The following NPAS2 variants were observed in gnomAD, a reference collection of about 807,000 sequenced individuals.
NPAS2 encodes the protein neuronal PAS domain protein 2, also known as neuronal PAS domain-containing protein 2.
In NPAS2, 23 loss-of-function variants were observed where a neutral mutation model predicts 107.5. The observed-to-expected ratio is 0.21, with a 90% confidence interval of 0.15 to 0.30. The LOEUF is 0.30. Among genes scored for constraint, NPAS2 ranks in the 10% least tolerant of loss-of-function variants. The pLI, the probability that NPAS2 is intolerant of heterozygous loss-of-function variation, is 1.00. For missense variants in NPAS2, 756 were observed against 1,043.3 expected (o/e 0.72, Z 3.79); for synonymous variants, 403 against 417.5 (o/e 0.97, Z 0.42).
At chr2:100,866,948 G>A (rs1324974518) in intron 1 of NPAS2, among the ~76,000 whole-genome samples, 7 of 152,178 alleles carry the variant, frequency 4.6e-5, no homozygotes, top group Admixed American at 1.3e-4. Context: ...TCTTTGGGGT[G>A]ACATTAAGCA....
At chr2:100,880,767 C>G (rs1680281450) in intron 1 of NPAS2, among the ~76,000 whole-genome samples, 1 of 151,388 alleles carries the variant, frequency 6.6e-6, no homozygotes, top group Non-Finnish European at 1.5e-5. Context: ...AATTTTACCT[C>G]AATTTAAACA....
chr2:100,959,280 ATTT>A (rs60973078), intron 7 of NPAS2, among the ~76,000 whole-genome samples: 4 of 146,402 alleles, frequency 2.7e-5, no homozygotes, highest in Admixed American at 7.1e-5. Flanking sequence ...AAAAAAAAAA[ATTT>A]TTTTGCAAAG....
At chr2:100,933,315 G>A (rs1406880785) in intron 4 of NPAS2, among the ~76,000 whole-genome samples, 2 of 152,184 alleles carry the variant, frequency 1.3e-5, no homozygotes, top group Non-Finnish European at 2.9e-5. Context: ...GAGAGGAGAA[G>A]GACAGAGGGA....
intron 12 of NPAS2, among the ~76,000 whole-genome samples, chr2:100,973,316 G>C (rs1328718914): frequency 6.6e-6 from 1 of 152,208 alleles, no homozygotes; most frequent in Admixed American, 6.5e-5. Flanking sequence ...CAGTGCATTT[G>C]TAAAATGCAG....
intron 15 of NPAS2, 49 bp downstream of exon 15, chr2:100,977,848 G>A (rs760565158): frequency 1.1e-5 from 16 of 1,477,900 alleles, no homozygotes; most frequent in African/African-American, 5.5e-5. Context: ...CCAGAAGTCC[G>A]CAGTGTGCTG....
rs575992381 is a variant in NPAS2 at position 100,944,045 on chromosome 2, A to G, written c.364-4190A>G. 5.9e-4 allele frequency among the ~76,000 whole-genome samples: 90 copies of G among 152,234 alleles called. 2 individuals are homozygous for G. In the South Asian group the frequency reaches 0.018, roughly 31 times the overall value. ...ATTAATTCTTACTATTACAAAGTCA[A>G]AGCCATTCTCTACACTACCTTCTGA... On this transcript the variant is annotated intron_variant, in intron 5 of 20. Transcript: ENST00000335681.
chr2:100,988,375 G>C, intron 17 of NPAS2, 99 bp downstream of exon 17: 1 of 1,001,076 alleles, frequency 1.0e-6, no homozygotes. Flanking sequence ...GTGAACTGAG[G>C]CCTACTGCCC....
intron 2 of NPAS2, among the ~76,000 whole-genome samples, chr2:100,924,150 C>A (rs1683414680): frequency 6.6e-6 from 1 of 152,174 alleles, no homozygotes; most frequent in South Asian, 2.1e-4. Context: ...GTTCCCATAT[C>A]CCCCTGAGCC....
chr2:100,889,040 A>G (rs1680889490), intron 1 of NPAS2, among the ~76,000 whole-genome samples: 1 of 152,232 alleles, frequency 6.6e-6, no homozygotes, highest in African/African-American at 2.4e-5. Flanking sequence ...AGAGGGATCT[A>G]AAACATCTTT....
chr2:100,899,038 A>G (rs1681606634), intron 1 of NPAS2, among the ~76,000 whole-genome samples: 1 of 152,092 alleles, frequency 6.6e-6, no homozygotes, highest in South Asian at 2.1e-4. Context: ...ACCCGAACTG[A>G]AGAACATTCT....
At chr2:100,977,859 C>A in intron 15 of NPAS2, 60 bp downstream of exon 15, 2 of 1,409,964 alleles carry the variant, frequency 1.4e-6, no homozygotes, top group Non-Finnish European at 2.0e-6. Context: ...CAGTGTGCTG[C>A]GCTGATGGTC....
intron 3 of NPAS2, among the ~76,000 whole-genome samples, chr2:100,932,148 T>C (rs1220169979): frequency 6.6e-6 from 1 of 152,216 alleles, no homozygotes; most frequent in Non-Finnish European, 1.5e-5. Context: ...ACAAACATAT[T>C]TGATATTACA....
chr2:100,961,840 G>A (rs1675934160), intron 7 of NPAS2, among the ~76,000 whole-genome samples: 1 of 152,226 alleles, frequency 6.6e-6, no homozygotes. Context: ...TTTAGAGATA[G>A]ATTAAGGGGG....
intron 2 of NPAS2, among the ~76,000 whole-genome samples, chr2:100,914,342 T>C (rs1345660958): frequency 1.3e-5 from 2 of 152,198 alleles, no homozygotes; most frequent in Non-Finnish European, 2.9e-5. Flanking sequence ...ACAACCCTCC[T>C]CTGGATTCCA....
Position 100,836,099 on chromosome 2 carries a change from C to G in NPAS2, c.-23+15685C>G, listed in dbSNP as rs990471763. On this transcript the variant is annotated intron_variant, in intron 1 of 20. Coordinates refer to ENST00000335681, the MANE Select transcript of NPAS2 (RefSeq NM_002518.4). ...GTTGTAAGCAGAGATGCCAGGCTCT[C>G]TTTGCAGGATGGCAGTGAGGAGCCC... Among the ~76,000 whole-genome samples the G allele has an allele frequency of 3.3e-5, 5 of 152,222 alleles. No homozygotes were observed. The South Asian group carries it at 8.3e-4, about 25-fold the overall frequency.
chr2:100,943,926 C>T (rs982278959), intron 5 of NPAS2, among the ~76,000 whole-genome samples: 2 of 152,276 alleles, frequency 1.3e-5, no homozygotes, highest in South Asian at 4.2e-4. Flanking sequence ...GTTGCAAATA[C>T]CCTCTCTCAC....
At chr2:100,946,113 C>G (rs538945828) in intron 5 of NPAS2, among the ~76,000 whole-genome samples, 1 of 152,346 alleles carries the variant, frequency 6.6e-6, no homozygotes, top group Non-Finnish European at 1.5e-5. Flanking sequence ...ACTGGTCATT[C>G]AGTGCCTAAT....
chr2:100,990,684 T>C, intron 18 of NPAS2, 96 bp from the exon 19 acceptor site: 2 of 1,222,534 alleles, frequency 1.6e-6, no homozygotes, highest in Non-Finnish European at 2.4e-6. Context: ...GAGTCAACCA[T>C]AAAGGGTCCA....
In NPAS2 at chr2:100,993,432, G is replaced by A. The variant is rs1678255623; in HGVS notation, c.2197G>A (p.Gly733Arg). Reference sequence around the variant, plus strand: ...CGCCCCGATGCCCGTCCTGCTGATGGGGCAGGCGGTGCTCCACCCCAGCTT... The same window carrying A: ...CGCCCCGATGCCCGTCCTGCTGATGAGGCAGGCGGTGCTCCACCCCAGCTT... ...SSAPMPVLLM[G>R]QAVLHPSFPA... Residue 733 changes from glycine to arginine, a missense_variant, in exon 20 of 21, where the codon GGG becomes AGG. Physicochemically the swap from Gly to Arg is moderately radical, Grantham distance 125. This residue lies in a region of NPAS2 where 496 missense variants were observed against 594.4 expected (regional missense o/e 0.83). Transcript: ENST00000335681. The A allele has an allele frequency of 1.2e-6, 2 of 1,613,506 alleles. No individual in the cohort carries two copies. The highest frequency in any genetic ancestry group is 2.2e-5 in the East Asian group (1 of 44,870).
Sources: gnomAD v4.1 joint callset for allele counts (sites outside exome capture counted in the v4.1 genomes callset) on GRCh38, gnomAD v4.1.1 for gene constraint, gnomAD v4.1.1 regional missense constraint, MANE v1.5 for transcripts, NCBI Gene and HGNC (gene_info 2026-07-23, HGNC 2026-07-21) for gene names.